ATP6V0A1: variants seen among roughly 807,000 people sequenced by gnomAD.
ATP6V0A1 encodes the protein ATPase H+ transporting V0 subunit a1, also known as V-type proton ATPase 116 kDa subunit a 1.
A neutral mutation model predicts 105.4 loss-of-function variants in ATP6V0A1; 43 were observed. The observed-to-expected ratio is 0.41, with a 90% CI of 0.32 to 0.53. ATP6V0A1 has a LOEUF of 0.53. ATP6V0A1 is among the 20% of genes least tolerant of loss of function. The pLI, the probability that ATP6V0A1 is intolerant of heterozygous loss-of-function variation, is 0.30. For synonymous variants in ATP6V0A1, 362 were observed against 372.8 expected, an observed-to-expected ratio of 0.97 and a Z score of 0.33; for missense variants, 676 against 1,051.1, an observed-to-expected ratio of 0.64 and a Z score of 4.93.
intron 2 of ATP6V0A1, among the ~76,000 whole-genome samples, chr17:42,465,089 T>C (rs1376531312): frequency 6.6e-6 from 1 of 151,890 alleles, no homozygotes; most frequent in Non-Finnish European, 1.5e-5. Flanking sequence ...CCCTCCCAGG[T>C]TCAATTGATT....
chr17:42,520,940 G>A (rs553652986), intron 21 of ATP6V0A1, 87 bp from the exon 22 acceptor site: 57 of 1,195,282 alleles, frequency 4.8e-5, no homozygotes, highest in South Asian at 4.6e-4. Context: ...AGGTGGGCAC[G>A]GGGCATCTTT....
chr17:42,506,187 C>T (rs1287985725), intron 17 of ATP6V0A1, among the ~76,000 whole-genome samples: 1 of 152,138 alleles, frequency 6.6e-6, no homozygotes, highest in African/African-American at 2.4e-5. Flanking sequence ...TTTGATAAAC[C>T]CTTCACAATG....
At position 42,517,182 on chromosome 17, in the gene ATP6V0A1, A is replaced by C. The variant is rs536393725; in HGVS notation, c.2420+2722A>C. ...GTAATCCCAGCTACTCGGGAGGCTG[A>C]GGCAAGAGAATCGCTTGAACCCAGG... On this transcript the variant is annotated intron_variant, in intron 21 of 21. Coordinates refer to ENST00000343619, the MANE Select transcript of ATP6V0A1 (RefSeq NM_001130021.3). Among the ~76,000 whole-genome samples the C allele has an allele frequency of 3.3e-5, 5 of 152,312 alleles. No homozygotes were observed. The South Asian group carries it at 1.0e-3, about 32-fold the overall frequency.
intron 14 of ATP6V0A1, 44 bp from the exon 15 acceptor site, chr17:42,498,880 G>A (rs1345449923): frequency 2.3e-6 from 3 of 1,319,286 alleles, no homozygotes; most frequent in Non-Finnish European, 3.2e-6. Context: ...TTTTCCCTTT[G>A]AGAATTCTTT....
At chr17:42,481,718 C>G (rs1286745012) in intron 8 of ATP6V0A1, among the ~76,000 whole-genome samples, 1 of 152,126 alleles carries the variant, frequency 6.6e-6, no homozygotes, top group East Asian at 1.9e-4. Flanking sequence ...CCATAATTTC[C>G]TTAACTTGGG....
chr17:42,517,140 C>T (rs1011139246), intron 21 of ATP6V0A1, among the ~76,000 whole-genome samples: 5 of 152,042 alleles, frequency 3.3e-5, no homozygotes, highest in Admixed American at 6.5e-5. Flanking sequence ...ATTAGCTGGG[C>T]GTGATGGTGG....
chr17:42,492,980 T>C (rs1463239642), intron 11 of ATP6V0A1, among the ~76,000 whole-genome samples: 2 of 152,126 alleles, frequency 1.3e-5, no homozygotes, highest in African/African-American at 4.8e-5. Flanking sequence ...ATTGTGCCAC[T>C]GCACTCCAGC....
intron 7 of ATP6V0A1, chr17:42,479,072 A>G (rs947153292): frequency 2.0e-5 from 3 of 152,182 alleles, no homozygotes; most frequent in Admixed American, 2.0e-4. Flanking sequence ...ATGCCTGGCT[A>G]ATTTTTTCTG....
At chr17:42,512,251 C>T (rs2092379033) in intron 19 of ATP6V0A1, among the ~76,000 whole-genome samples, 3 of 152,186 alleles carry the variant, frequency 2.0e-5, no homozygotes, top group South Asian at 4.1e-4. Flanking sequence ...GGAGAGAAGG[C>T]AAGGGTAAGG....
At chr17:42,513,689 A>T (rs1216110759) in intron 19 of ATP6V0A1, 172 bp from the exon 20 acceptor site, 5 of 646,018 alleles carry the variant, frequency 7.7e-6, no homozygotes, top group African/African-American at 1.8e-5. Flanking sequence ...CGAAATCACC[A>T]CCTGAGCTCA....
intron 10 of ATP6V0A1, 85 bp from the exon 11 acceptor site, chr17:42,490,402 G>A: frequency 8.3e-7 from 1 of 1,205,122 alleles, no homozygotes; most frequent in Non-Finnish European, 1.1e-6. Context: ...ACCATTTGAT[G>A]AGTTTCAAGA....
chr17:42,482,197 A>G (rs1177571000), intron 8 of ATP6V0A1, among the ~76,000 whole-genome samples: 1 of 152,102 alleles, frequency 6.6e-6, no homozygotes, highest in Non-Finnish European at 1.5e-5. Context: ...CCCAGGCTAA[A>G]GTGCAGTGGC....
At position 42,467,960 on chromosome 17, in the gene ATP6V0A1, A is replaced by G. The variant is rs577964510; in HGVS notation, c.197-50A>G. 36 of 1,324,032 alleles carry G rather than the reference A, an allele frequency of 2.7e-5. No individual in the cohort carries two copies. In the South Asian group the frequency reaches 3.7e-4, roughly 14 times the overall value. The allele number at this position is 1,324,032 out of a possible 1,614,324, so 82.0% of individuals were successfully genotyped here. ...TAATTCTTTTCCTTAAATAATGGCA[A>G]TTACGAGCATGTGCAGTTAGACATG... On this transcript the variant is annotated intron_variant, in intron 3 of 21. Transcript: ENST00000343619.
In ATP6V0A1 at chr17:42,458,914, G is replaced by C. The variant is rs1295027645; in HGVS notation, c.-97G>C. The stretch of plus-strand genomic sequence containing the variant: ...CTGCTCCTGGAGCCGCGGAGGGTGC[G>C]GGTTTGGCTGCGGTGGTTTCTGTGG... On this transcript the variant is annotated 5_prime_UTR_variant, in exon 1 of 22. Coordinates refer to ENST00000343619, the MANE Select transcript of ATP6V0A1 (RefSeq NM_001130021.3). 2 of 153,464 alleles carry C rather than the reference G, an allele frequency of 1.3e-5. No individual in the cohort carries two copies. Among genetic ancestry groups the C allele is most frequent in the African/African-American group, 2.4e-5 (1 of 41,618 alleles). The allele number at this position is 153,464 out of a possible 1,614,324, so 9.5% of individuals were successfully genotyped here.
rs1319729044 is a variant in ATP6V0A1, at chr17:42,477,687, T to A, written c.451T>A (p.Ser151Thr). 1.9e-6 allele frequency: 3 copies of A among 1,613,766 alleles called. No homozygotes were observed. Among genetic ancestry groups the A allele is most frequent in the Admixed American group, 1.7e-5 (1 of 59,974 alleles). Residue 151 changes from serine to threonine, a missense_variant, in exon 6 of 22, where the codon TCC becomes ACC. Around this residue, in one of 3 missense-constraint regions of ATP6V0A1, gnomAD observed 239 missense variants for 388.4 expected, o/e 0.62. Transcript: ENST00000343619. ...GGCGGATCCAGACTTGTTGGAAGAG[T>A]CCTCATCCCTCTTGGAGCCAAGTGA... ...EMADPDLLEE[S>T]SSLLEPSEMG...
chr17:42,473,235 TTAACTC>T (rs2088236693), intron 5 of ATP6V0A1, among the ~76,000 whole-genome samples: 1 of 152,218 alleles, frequency 6.6e-6, no homozygotes, highest in Non-Finnish European at 1.5e-5. Flanking sequence ...GACAGTGTGA[TTAACTC>T]TAAGTGTTTA....
At chr17:42,474,564 C>T (rs1439429924) in intron 5 of ATP6V0A1, among the ~76,000 whole-genome samples, 2 of 152,178 alleles carry the variant, frequency 1.3e-5, no homozygotes, top group Non-Finnish European at 2.9e-5. Context: ...GTGTCACTGC[C>T]ACAACTTTGC....
intron 9 of ATP6V0A1, among the ~76,000 whole-genome samples, chr17:42,483,494 G>A (rs7406488): frequency 0.86 from 130,367 of 151,894 alleles, 56,805 homozygotes; most frequent in Non-Finnish European, 0.93. Flanking sequence ...TGCAACCTCC[G>A]CCTCCTAGGC....
intron 17 of ATP6V0A1, among the ~76,000 whole-genome samples, chr17:42,501,800 G>A (rs2091693374): frequency 1.3e-5 from 2 of 151,928 alleles, no homozygotes; most frequent in Non-Finnish European, 2.9e-5. Context: ...TTGGGAGGCC[G>A]AGGTGGGTGG....
Sources: gnomAD v4.1 joint callset for allele counts (sites outside exome capture counted in the v4.1 genomes callset) on GRCh38, gnomAD v4.1.1 for gene constraint, gnomAD v4.1.1 regional missense constraint, MANE v1.5 for transcripts, NCBI Gene and HGNC (gene_info 2026-07-23, HGNC 2026-07-21) for gene names.